Variants in SLIT1 observed in about 807,000 individuals in gnomAD.
SLIT1 encodes the protein slit guidance ligand 1.
A neutral mutation model predicts 186.1 loss-of-function variants in SLIT1; 66 were observed. The ratio of observed to expected loss-of-function variants is 0.35; its 90% confidence interval spans 0.29 to 0.44. SLIT1 has a LOEUF of 0.44. Ranked by LOEUF, SLIT1 falls within the 20% of genes least tolerant of loss-of-function variation. The pLI, the probability that SLIT1 is intolerant of heterozygous loss-of-function variation, is 1.00. For missense variants in SLIT1, 1,638 were observed against 2,037.4 expected, an observed-to-expected ratio of 0.80 and a Z score of 3.77; for synonymous variants, 761 against 833.8, an observed-to-expected ratio of 0.91 and a Z score of 1.50.
In SLIT1 at chr10:97,180,664, C is replaced by T. The variant is rs370418764; in HGVS notation, c.197+4814G>A. Among the ~76,000 whole-genome samples, 5 of 152,326 alleles carry T rather than the reference C, an allele frequency of 3.3e-5. No individual in the cohort carries two copies. In the East Asian group the frequency reaches 5.8e-4, roughly 18 times the overall value. On this transcript the variant is annotated intron_variant, in intron 1 of 36. Transcript: ENST00000266058. ...GTCTGGCTTCACAGCCCTCCCATCA[C>T]GACCATCCGCCCTGCATACAGTCCC... is the stretch of plus-strand genomic sequence containing the variant.
chr10:97,031,818 G>C, intron 23 of SLIT1, 141 bp from the exon 24 acceptor site: 1 of 645,982 alleles, frequency 1.5e-6, no homozygotes, highest in Non-Finnish European at 2.7e-6. Context: ...GCCGGCAAGT[G>C]CATGGGCTGG....
At chr10:97,163,773 C>T (rs536463379) in intron 2 of SLIT1, among the ~76,000 whole-genome samples, 17 of 152,372 alleles carry the variant, frequency 1.1e-4, no homozygotes, top group African/African-American at 3.6e-4. Flanking sequence ...ACCATGTCTC[C>T]GCTCCAATCA....
At chr10:97,029,238 G>A (rs1848570910) in intron 25 of SLIT1, among the ~76,000 whole-genome samples, 1 of 152,118 alleles carries the variant, frequency 6.6e-6, no homozygotes, top group Non-Finnish European at 1.5e-5. Flanking sequence ...CTGAAGGGTG[G>A]GGAACATTAC....
At chr10:97,098,262 C>G (rs752666489) in intron 4 of SLIT1, among the ~76,000 whole-genome samples, 7 of 152,188 alleles carry the variant, frequency 4.6e-5, no homozygotes, top group African/African-American at 7.2e-5. Flanking sequence ...CGCTATGGGC[C>G]GGACATGTGC....
intron 18 of SLIT1, among the ~76,000 whole-genome samples, chr10:97,046,278 A>G (rs1848732630): frequency 6.6e-6 from 1 of 151,996 alleles, no homozygotes; most frequent in Non-Finnish European, 1.5e-5. Context: ...TCCCCTATCT[A>G]CACCCACTGA....
At chr10:97,007,406 T>C (rs1848368540) in intron 31 of SLIT1, among the ~76,000 whole-genome samples, 1 of 151,928 alleles carries the variant, frequency 6.6e-6, no homozygotes, top group Non-Finnish European at 1.5e-5. Context: ...GTCCAAAAAA[T>C]AAAAAATGAG....
At chr10:97,167,359 C>G (rs935094443) in intron 1 of SLIT1, among the ~76,000 whole-genome samples, 1 of 152,236 alleles carries the variant, frequency 6.6e-6, no homozygotes, top group Non-Finnish European at 1.5e-5. Context: ...TCTTCCCAAG[C>G]AGGGCTGGTT....
chr10:97,094,711 A>G (rs536756780), intron 4 of SLIT1, among the ~76,000 whole-genome samples: 9 of 152,336 alleles, frequency 5.9e-5, no homozygotes, highest in African/African-American at 2.2e-4. Flanking sequence ...CCTAGGGAGA[A>G]ATCAGAGTCT....
chr10:97,183,853 G>T (rs1187970527), intron 1 of SLIT1, among the ~76,000 whole-genome samples: 1 of 152,070 alleles, frequency 6.6e-6, no homozygotes, highest in African/African-American at 2.4e-5. Context: ...CAGGCATGGA[G>T]GGTGACCAGG....
intron 26 of SLIT1, among the ~76,000 whole-genome samples, chr10:97,019,959 T>C (rs1041424010): frequency 6.6e-6 from 1 of 151,850 alleles, no homozygotes; most frequent in Admixed American, 6.6e-5. Flanking sequence ...CTGTTTCCTT[T>C]CTTTTTTCCT....
At chr10:97,133,808 G>A (rs888048890) in intron 4 of SLIT1, among the ~76,000 whole-genome samples, 2 of 152,082 alleles carry the variant, frequency 1.3e-5, no homozygotes, top group African/African-American at 4.8e-5. Flanking sequence ...GTTTGGGGAG[G>A]GAAGGATCTG....
chr10:97,108,046 T>A (rs1227105299), intron 4 of SLIT1, among the ~76,000 whole-genome samples: 1 of 152,182 alleles, frequency 6.6e-6, no homozygotes, highest in East Asian at 1.9e-4. Flanking sequence ...CCCCGGGGTG[T>A]CTGCCCCAGC....
At position 97,184,833 on chromosome 10, in the gene SLIT1, C is replaced by G. The variant is rs1850389386; in HGVS notation, c.197+645G>C. On this transcript the variant is annotated intron_variant, in intron 1 of 36. Coordinates refer to ENST00000266058, the MANE Select transcript of SLIT1 (RefSeq NM_003061.3). The surrounding 1 kb of genome is among the most constrained non-coding windows in gnomAD (Gnocchi z 4.4). ...GTGCTGAATGTTACATACCCCAAGC[C>G]CCATACCCAAAGCCCTCAGGTCCCA... Among the ~76,000 whole-genome samples, 1 of 152,186 alleles carries G rather than the reference C, an allele frequency of 6.6e-6. No homozygotes were observed. The highest frequency in any genetic ancestry group is 6.5e-5 in the Admixed American group (1 of 15,282).
rs776132044 is a variant in SLIT1 at position 97,043,545 on chromosome 10, C to T, written c.1854-32G>A. The T allele has an allele frequency of 6.3e-7, 1 of 1,597,946 alleles. No homozygotes were observed. Reference sequence around the variant, plus strand: ...AGGAACGGGGGAGGGAGGAGGGGACCCTTGCTGCCCTGCCAGCCATCCACC... The same window carrying T: ...AGGAACGGGGGAGGGAGGAGGGGACTCTTGCTGCCCTGCCAGCCATCCACC... On this transcript the variant is annotated intron_variant, in intron 18 of 36. Coordinates refer to ENST00000266058, the MANE Select transcript of SLIT1 (RefSeq NM_003061.3). The surrounding 1 kb of genome is among the most constrained non-coding windows in gnomAD (Gnocchi z 7.0).
chr10:97,107,778 G>C (rs1369072731), intron 4 of SLIT1, among the ~76,000 whole-genome samples: 1 of 152,022 alleles, frequency 6.6e-6, no homozygotes, highest in Non-Finnish European at 1.5e-5. Flanking sequence ...GGAAGACAGG[G>C]AACCAACCCA....
At position 97,049,052 on chromosome 10, in the gene SLIT1, G is replaced by C. The variant is rs1848764010; in HGVS notation, c.1368C>G (p.Thr456=). The part of the protein sequence containing the change: ...NLKWLADFLR[T]NPIETSGARC... ...GGGCACCACTCGTCTCGATGGGATT[G>C]GTGCGCAGGAAGTCTGCCAGCCACT... Residue 456 remains threonine (T), a synonymous_variant, in exon 14 of 37, where the codon ACC becomes ACG. Transcript: ENST00000266058. The C allele has an allele frequency of 6.2e-7, 1 of 1,613,408 alleles. No individual in the cohort carries two copies. The highest frequency in any genetic ancestry group is 2.2e-5 in the East Asian group (1 of 44,874).
chr10:97,041,184 C>T (rs916946727), intron 20 of SLIT1, among the ~76,000 whole-genome samples: 3 of 152,144 alleles, frequency 2.0e-5, no homozygotes, highest in African/African-American at 4.8e-5. Context: ...GGAATATATA[C>T]GTAGGGAGCA....
At chr10:97,176,542 C>T (rs1282943421) in intron 1 of SLIT1, among the ~76,000 whole-genome samples, 3 of 152,208 alleles carry the variant, frequency 2.0e-5, no homozygotes, top group South Asian at 2.1e-4. Flanking sequence ...CTGCAAACTT[C>T]CTTACCACCT....
intron 27 of SLIT1, 58 bp downstream of exon 27, chr10:97,018,925 A>G: frequency 9.5e-7 from 1 of 1,053,226 alleles, no homozygotes. Flanking sequence ...GGCCCTGGGG[A>G]CAGCCCTGCA....
Sources: allele counts gnomAD v4.1 joint callset (sites outside exome capture counted in the v4.1 genomes callset), GRCh38; gene constraint gnomAD v4.1.1; non-coding constraint Gnocchi (gnomAD v3.1); transcripts MANE v1.5; gene names NCBI Gene and HGNC (gene_info 2026-07-23, HGNC 2026-07-21).